The following APOB variants were observed in gnomAD, a reference collection of about 807,000 sequenced individuals.
The protein encoded by APOB is apolipoprotein B, also known as apolipoprotein B-100.
A neutral mutation model predicts 314.1 loss-of-function variants in APOB; 153 were observed. That is an observed-to-expected ratio of 0.49 (90% confidence interval 0.43 to 0.56). APOB has a LOEUF of 0.56. Among genes scored for constraint, APOB ranks in the 20% least tolerant of loss-of-function variants. The pLI, the probability that APOB is intolerant of heterozygous loss-of-function variation, is 0.00. For missense variants in APOB, 5,430 were observed against 5,350.7 expected (o/e 1.01, Z -0.46); for synonymous variants, 2,087 against 2,036.4 (o/e 1.02, Z -0.67).
chr2:21,021,900 A>G (rs910617198), intron 18 of APOB, among the ~76,000 whole-genome samples: 3 of 152,220 alleles, frequency 2.0e-5, no homozygotes, highest in African/African-American at 7.2e-5. Flanking sequence ...TTCAAAGGTC[A>G]GGGACCTTGT....
rs1216747233 is a variant in APOB, at chr2:21,015,549, T to C, written c.3333-4A>G. On this transcript the variant is annotated splice_region_variant and splice_polypyrimidine_tract_variant and intron_variant, in intron 21 of 28. Transcript: ENST00000233242. ...TCTTTCTTCCTTTGTGTCACAACTA[T>C]GGTAAAGAAAATCAGTTGGCACCAA... The C allele has an allele frequency of 1.2e-6, 2 of 1,611,842 alleles. No individual in the cohort carries two copies. Among genetic ancestry groups the C allele is most frequent in the East Asian group, 2.2e-5 (1 of 44,868 alleles).
intron 4 of APOB, among the ~76,000 whole-genome samples, 199 bp from the exon 5 acceptor site, chr2:21,038,310 G>A (rs1035597291): frequency 1.3e-5 from 2 of 151,752 alleles, no homozygotes; most frequent in African/African-American, 4.8e-5. Context: ...ATAAGTTTTG[G>A]TGATTCTTTT....
rs555941471 is a variant in APOB, at chr2:21,027,433, C to G, written c.2067+395G>C. Among the ~76,000 whole-genome samples the G allele has an allele frequency of 5.9e-5, 9 of 151,594 alleles. No homozygotes were observed. The East Asian group carries it at 1.8e-3, about 30-fold the overall frequency. Reference sequence around the variant, plus strand: ...GGTTCACGCCATTCTCCTGCCTCATCCTCCCAAGTAGCTGGGACTACAGGT... The same window carrying G: ...GGTTCACGCCATTCTCCTGCCTCATGCTCCCAAGTAGCTGGGACTACAGGT... On this transcript the variant is annotated intron_variant, in intron 14 of 28. Coordinates refer to ENST00000233242, the MANE Select transcript of APOB (RefSeq NM_000384.3).
chr2:21,021,921 C>T (rs1663615307), intron 18 of APOB, among the ~76,000 whole-genome samples: 1 of 152,162 alleles, frequency 6.6e-6, no homozygotes, highest in Non-Finnish European at 1.5e-5. Context: ...GTGTCTCACT[C>T]AACATACGTG....
chr2:21,018,956 G>A (rs1000132708), intron 20 of APOB, 36 bp downstream of exon 20: 30 of 1,613,564 alleles, frequency 1.9e-5, no homozygotes, highest in Non-Finnish European at 2.5e-5. Context: ...CTGAGACTGC[G>A]AGCAGAGATG....
At chr2:21,017,953 C>A (rs1663517811) in intron 20 of APOB, among the ~76,000 whole-genome samples, 1 of 152,126 alleles carries the variant, frequency 6.6e-6, no homozygotes, top group Non-Finnish European at 1.5e-5. Flanking sequence ...CCTCGCTATC[C>A]CTATATAATT....
chr2:21,013,276 T>TC lies in APOB; in HGVS notation c.4099_4100insG (p.Tyr1367Ter). The TC allele has an allele frequency of 3.1e-6, 5 of 1,614,212 alleles. No homozygotes were observed. The highest frequency in any genetic ancestry group is 4.2e-6 in the Non-Finnish European group (5 of 1,180,044). The change falls in exon 25 of 29, where the codon TAC becomes TGAC. Residue 1367 changes from tyrosine (Y) to a stop codon, truncating the protein, a stop_gained and frameshift_variant. Transcript: ENST00000233242. LOFTEE classifies it high-confidence loss of function. ...ACCACTGTAGGAGGCGGACCAGTTGTACAAGTTGCTGTAGACATTCGTGGA... is the reference window on the plus strand; with the variant it reads ...ACCACTGTAGGAGGCGGACCAGTTGTCACAAGTTGCTGTAGACATTCGTGGA... ...DLSTNVYSNL[Y>*]NWSASYSGGN...
intron 26 of APOB, 40 bp downstream of exon 26, chr2:21,005,040 A>G: frequency 6.2e-7 from 1 of 1,607,208 alleles, no homozygotes. Flanking sequence ...TCTCATTGAA[A>G]ATATACAGTA....
chr2:21,001,925 C>A lies in APOB; in HGVS notation c.13497G>T (p.Leu4499=), dbSNP rs1283071180. ...SDYHQQFRYK[L]QDFSDQLSDY... is the part of the protein sequence containing the mutation. ...CAGAGAGTTGGTCTGAAAAATCTTGCAGTTTATATCTAAACTGCTGGTGGT... is the reference window on the plus strand; with the variant it reads ...CAGAGAGTTGGTCTGAAAAATCTTGAAGTTTATATCTAAACTGCTGGTGGT... Residue 4499 remains leucine (L), a synonymous_variant, in exon 29 of 29, where the codon CTG becomes CTT. Coordinates refer to ENST00000233242, the MANE Select transcript of APOB (RefSeq NM_000384.3). The A allele has an allele frequency of 5.0e-6, 8 of 1,613,918 alleles. No individual in the cohort carries two copies. The highest frequency in any genetic ancestry group is 1.3e-5 in the African/African-American group (1 of 74,910).
chr2:21,043,734 C>A, intron 1 of APOB, 130 bp downstream of exon 1: 1 of 1,512,272 alleles, frequency 6.6e-7, no homozygotes, highest in South Asian at 1.3e-5. Context: ...GCCAGCTGGT[C>A]CAATCCCCCC....
intron 24 of APOB, among the ~76,000 whole-genome samples, 185 bp downstream of exon 24, chr2:21,014,261 TGA>T (rs928048637): frequency 2.5e-4 from 38 of 152,358 alleles, no homozygotes; most frequent in African/African-American, 7.9e-4. Context: ...AGATTCTTCC[TGA>T]CAGGGTTGGT....
intron 4 of APOB, among the ~76,000 whole-genome samples, chr2:21,040,174 G>T (rs894608903): frequency 6.6e-6 from 1 of 152,172 alleles, no homozygotes; most frequent in Non-Finnish European, 1.5e-5. Flanking sequence ...GATGTGACTT[G>T]CTGTCCCTCA....
intron 12 of APOB, 74 bp downstream of exon 12, chr2:21,029,565 G>T: frequency 6.6e-7 from 1 of 1,523,918 alleles, no homozygotes. Context: ...GAAATCTAGA[G>T]TCTCATTCCC....
chr2:21,016,182 G>A (rs573718109), intron 21 of APOB, among the ~76,000 whole-genome samples: 39 of 152,096 alleles, frequency 2.6e-4, no homozygotes, highest in Non-Finnish European at 4.7e-4. Flanking sequence ...CAGCTCCTTG[G>A]GAGGCTTAAG....
At position 21,009,377 on chromosome 2, in the gene APOB, C is replaced by T. The variant is rs139698568; in HGVS notation, c.7491G>A (p.Gln2497=). 6.2e-7 allele frequency: 1 copy of T among 1,614,046 alleles called. No individual in the cohort carries two copies. The highest frequency in any genetic ancestry group is 8.5e-7 in the Non-Finnish European group (1 of 1,179,956). Residue 2497 remains glutamine (Q), a synonymous_variant, in exon 26 of 29, where the codon CAG becomes CAA. Transcript: ENST00000233242. ...TKITLIINWL[Q]EALSSASLAH... is the part of the protein sequence containing the mutation. ...CCAAAGATGCTGAACTTAAAGCCTC[C>T]TGTAACCAATTGATGATTAAGGTTA...
chr2:21,002,540 C>T lies in APOB; in HGVS notation c.12882G>A (p.Glu4294=), dbSNP rs753338783. 6.2e-7 allele frequency: 1 copy of T among 1,613,838 alleles called. No individual in the cohort carries two copies. The highest frequency in any genetic ancestry group is 1.1e-5 in the South Asian group (1 of 91,060). Residue 4294 remains glutamate (E), a synonymous_variant, in exon 29 of 29, where the codon GAG becomes GAA. Coordinates refer to ENST00000233242, the MANE Select transcript of APOB (RefSeq NM_000384.3). ...AAAGGTCCTGAAGATTACGTAGCAC[C>T]TCTGTGGTCTTGAGAGACTGAATGG... ...FKAIQSLKTT[E]VLRNLQDLLQ...
At position 21,005,454 on chromosome 2, in the gene APOB, T is replaced by G; in HGVS notation, c.11414A>C (p.Asp3805Ala). 6.2e-7 allele frequency: 1 copy of G among 1,613,892 alleles called. No homozygotes were observed. Residue 3805 changes from aspartate to alanine, a missense_variant, in exon 26 of 29, where the codon GAC becomes GCC. By Grantham distance (126) the Asp-to-Ala change is moderately radical (BLOSUM62 -2). Coordinates refer to ENST00000233242, the MANE Select transcript of APOB (RefSeq NM_000384.3). ...TATCTCAAAAAAGGGAATCAAGGAG[T>G]CTTCTGGTTGAGAATATTTTGTTAA... ...DVLTKYSQPEDSLIPFFEITV... is the reference protein window; with the variant it reads ...DVLTKYSQPEASLIPFFEITV...
chr2:21,019,072 T>A lies in APOB; in HGVS notation c.3041A>T (p.Tyr1014Phe), dbSNP rs1330482950. The change falls in exon 20 of 29, where the codon TAT (tyrosine) becomes TTT (phenylalanine). Residue 1014 changes from tyrosine to phenylalanine, a missense_variant. Around this residue, in one of 3 missense-constraint regions of APOB, gnomAD observed 2,085 missense variants for 2,079.7 expected, o/e 1.00. Transcript: ENST00000233242. ...GAGCTCATAGGTTGCGCTGACAGAA[T>A]ACTGCTCAATCTCTCCTGTAGGCCT... ...ELRPTGEIEQ[Y>F]SVSATYELQR... 6.2e-7 allele frequency: 1 copy of A among 1,614,052 alleles called. No homozygotes were observed. The highest frequency in any genetic ancestry group is 1.1e-5 in the South Asian group (1 of 91,076).
chr2:21,025,851 C>A (rs764351924), intron 15 of APOB, among the ~76,000 whole-genome samples: 6 of 152,222 alleles, frequency 3.9e-5, no homozygotes, highest in Non-Finnish European at 7.3e-5. Context: ...CCAGACCACA[C>A]TTTGGGTAGC....
Sources: gnomAD v4.1 joint callset for allele counts (sites outside exome capture counted in the v4.1 genomes callset) on GRCh38, gnomAD v4.1.1 for gene constraint, gnomAD v4.1.1 regional missense constraint, MANE v1.5 for transcripts, NCBI Gene and HGNC (gene_info 2026-07-23, HGNC 2026-07-21) for gene names.